Variants in NCOA2 observed in about 807,000 individuals in gnomAD.
NCOA2 encodes the protein class E basic helix-loop-helix protein 75.
NCOA2 carries 21 observed loss-of-function variants against 145.1 expected under a neutral mutation model. That is an observed-to-expected ratio of 0.14 (90% CI 0.10 to 0.21). The LOEUF (loss-of-function observed/expected upper bound fraction) is 0.21, where lower values mean the gene tolerates loss of function less well. NCOA2 is among the 10% of genes least tolerant of loss of function. The pLI is 1.00. For synonymous variants in NCOA2, 619 were observed against 637.5 expected, an observed-to-expected ratio of 0.97 and a Z score of 0.44; for missense variants, 1,472 against 1,837.6, an observed-to-expected ratio of 0.80 and a Z score of 3.64.
At chr8:70,301,331 C>A (rs1329047848) in intron 1 of NCOA2, among the ~76,000 whole-genome samples, 2 of 152,146 alleles carry the variant, frequency 1.3e-5, no homozygotes, top group East Asian at 3.9e-4. Context: ...TCAAAGGATG[C>A]AATCACTAAT....
At chr8:70,215,558 T>C (rs138848176) in intron 3 of NCOA2, among the ~76,000 whole-genome samples, 4 of 152,304 alleles carry the variant, frequency 2.6e-5, no homozygotes, top group African/African-American at 7.2e-5. Flanking sequence ...AAAGGGAATA[T>C]AAAATACTGG....
chr8:70,398,142 A>C (rs1000394080), intron 1 of NCOA2, among the ~76,000 whole-genome samples: 4 of 152,196 alleles, frequency 2.6e-5, no homozygotes, highest in Non-Finnish European at 4.4e-5. Flanking sequence ...TCAGACAAGA[A>C]GGCAAACACA....
intron 4 of NCOA2, 91 bp downstream of exon 4, chr8:70,213,812 A>T: frequency 9.5e-7 from 1 of 1,047,500 alleles, no homozygotes. Flanking sequence ...TAAGCATAAG[A>T]AATGGATTAA....
Position 70,212,066 on chromosome 8 carries a change from C to CATATATAT in NCOA2, c.259+1829_259+1836dup, listed in dbSNP as rs36215324. On this transcript the variant is annotated intron_variant, in intron 4 of 22. Coordinates refer to ENST00000452400, the MANE Select transcript of NCOA2 (RefSeq NM_006540.4). ...CTTGTGCAAGACCTTCTTTGTGGCG[C>CATATATAT]ATATATATATATATATATATATATA... Among the ~76,000 whole-genome samples the CATATATAT allele has an allele frequency of 1.2e-3, 178 of 144,330 alleles. No homozygotes were observed. In the East Asian group the frequency reaches 0.013, roughly 10 times the overall value. 94.7% of individuals were successfully genotyped at this position (144,330 alleles called of 152,430 possible). A position where few individuals can be genotyped will look rare whatever the true frequency, so the allele number is the denominator to read the frequency against.
At chr8:70,268,748 C>T (rs569214045) in intron 2 of NCOA2, among the ~76,000 whole-genome samples, 3 of 152,254 alleles carry the variant, frequency 2.0e-5, no homozygotes, top group East Asian at 3.9e-4. Flanking sequence ...AACAGAAAAG[C>T]ACCTAACATG....
rs1309842229 is a variant in NCOA2, at chr8:70,292,343, G to T, written c.-20+4401C>A. 1.4e-4 allele frequency among the ~76,000 whole-genome samples: 21 copies of T among 151,842 alleles called. 1 individual carries two copies. Among genetic ancestry groups the T allele is most frequent in the African/African-American group, 5.1e-4 (21 of 41,394 alleles). ...AATTTTTGTATTTTTAGTAGAGATG[G>T]GGTTTCACCATGTTGGCCAGGATGG... On this transcript the variant is annotated intron_variant, in intron 2 of 22. Coordinates refer to ENST00000452400, the MANE Select transcript of NCOA2 (RefSeq NM_006540.4).
intron 4 of NCOA2, among the ~76,000 whole-genome samples, chr8:70,177,273 T>A (rs1054464712): frequency 3.3e-5 from 5 of 152,154 alleles, no homozygotes; most frequent in Non-Finnish European, 1.5e-5. Flanking sequence ...TTCTGATACA[T>A]CTTCCTAGGA....
At chr8:70,219,380 G>A (rs1819933380) in intron 2 of NCOA2, among the ~76,000 whole-genome samples, 1 of 152,082 alleles carries the variant, frequency 6.6e-6, no homozygotes, top group Non-Finnish European at 1.5e-5. Context: ...GAACATAATT[G>A]CTTCCTTATA....
chr8:70,124,591 A>G (rs1808196208), intron 20 of NCOA2, 97 bp downstream of exon 20: 2 of 1,257,176 alleles, frequency 1.6e-6, no homozygotes, highest in Admixed American at 3.1e-5. Context: ...CGTTTGATAA[A>G]AACAAACAGA....
At chr8:70,185,674 C>T (rs934051035) in intron 4 of NCOA2, among the ~76,000 whole-genome samples, 1 of 152,172 alleles carries the variant, frequency 6.6e-6, no homozygotes, top group African/African-American at 2.4e-5. Flanking sequence ...AGTTTACAAT[C>T]TGACACCACT....
intron 4 of NCOA2, among the ~76,000 whole-genome samples, chr8:70,207,987 C>G (rs938367526): frequency 3.6e-4 from 55 of 151,790 alleles, no homozygotes; most frequent in African/African-American, 1.2e-3. Flanking sequence ...CGTGGTGACT[C>G]ATGCCTATAA....
At chr8:70,187,692 A>C (rs1284004004) in intron 4 of NCOA2, among the ~76,000 whole-genome samples, 1 of 152,234 alleles carries the variant, frequency 6.6e-6, no homozygotes, top group Non-Finnish European at 1.5e-5. Context: ...AAGACATGGT[A>C]ATTAAGTTAC....
chr8:70,185,587 C>T (rs1332627581), intron 4 of NCOA2, among the ~76,000 whole-genome samples: 1 of 152,138 alleles, frequency 6.6e-6, no homozygotes, highest in East Asian at 1.9e-4. Context: ...AGGGCGCAAG[C>T]TCTCTGTGGA....
At chr8:70,328,862 G>A (rs2136265616) in intron 1 of NCOA2, among the ~76,000 whole-genome samples, 1 of 152,254 alleles carries the variant, frequency 6.6e-6, no homozygotes, top group East Asian at 1.9e-4. Flanking sequence ...CATTGCTGAT[G>A]AGAATATAAA....
intron 1 of NCOA2, among the ~76,000 whole-genome samples, chr8:70,350,561 TC>T (rs1809083667): frequency 6.6e-6 from 1 of 152,206 alleles, no homozygotes; most frequent in Non-Finnish European, 1.5e-5. Context: ...TCAATGTGAT[TC>T]CATGAATAAA....
intron 4 of NCOA2, among the ~76,000 whole-genome samples, chr8:70,188,077 G>C (rs1327134657): frequency 6.6e-6 from 1 of 152,140 alleles, no homozygotes; most frequent in Non-Finnish European, 1.5e-5. Context: ...GTGACAGCTG[G>C]GCAGGTCCAG....
At chr8:70,315,877 A>G (rs1252565347) in intron 1 of NCOA2, among the ~76,000 whole-genome samples, 1 of 152,212 alleles carries the variant, frequency 6.6e-6, no homozygotes, top group Non-Finnish European at 1.5e-5. Context: ...CAAGATAGAG[A>G]AATCAGGAGG....
At chr8:70,252,790 C>T (rs911502245) in intron 2 of NCOA2, among the ~76,000 whole-genome samples, 4 of 152,062 alleles carry the variant, frequency 2.6e-5, no homozygotes, top group South Asian at 2.1e-4. Context: ...ATAGAATTGT[C>T]GAAGACAAAA....
chr8:70,245,689 T>C (rs550389296), intron 2 of NCOA2, among the ~76,000 whole-genome samples: 257 of 152,166 alleles, frequency 1.7e-3, no homozygotes, highest in African/African-American at 6.2e-3. Context: ...TACCCTAAAA[T>C]GAAAATATAA....
Sources: gnomAD v4.1 joint callset for allele counts (sites outside exome capture counted in the v4.1 genomes callset) on GRCh38, gnomAD v4.1.1 for gene constraint, MANE v1.5 for transcripts, NCBI Gene and HGNC (gene_info 2026-07-23, HGNC 2026-07-21) for gene names.